Variants in ZNF462 observed in about 807,000 individuals in gnomAD.
ZNF462 encodes the protein zinc finger protein 462.
Under a neutral mutation model 201.9 loss-of-function variants are expected in ZNF462, and 10 were observed. That is an observed-to-expected ratio of 0.05 (90% CI 0.03 to 0.08). The LOEUF (loss-of-function observed/expected upper bound fraction) is 0.08, where lower values mean the gene tolerates loss of function less well. Among genes scored for constraint, ZNF462 ranks in the 10% least tolerant of loss-of-function variants. ZNF462 has a pLI of 1.00. For missense variants in ZNF462, 2,523 were observed against 3,168.3 expected, an observed-to-expected ratio of 0.80 and a Z score of 4.89; for synonymous variants, 1,227 against 1,193.3, an observed-to-expected ratio of 1.03 and a Z score of -0.58.
In ZNF462 at chr9:106,974,029, G is replaced by T. The variant is rs1826800461; in HGVS notation, c.6696-108G>T. 1.4e-6 allele frequency: 2 copies of T among 1,432,072 alleles called. No individual in the cohort carries two copies. Among genetic ancestry groups the T allele is most frequent in the Non-Finnish European group, 9.5e-7 (1 of 1,049,188 alleles). The allele number at this position is 1,432,072 out of a possible 1,614,324, so 88.7% of individuals were successfully genotyped here. On this transcript the variant is annotated intron_variant, in intron 8 of 12. Transcript: ENST00000277225. This position sits in a 1 kb window ranked among gnomAD's most constrained non-coding sequence, Gnocchi z 4.0. ...AACAGATTTTTTTTTAGCCCCACAAGCAGGAGAGCCGCACTTGGACATATA... is the reference window on the plus strand; with the variant it reads ...AACAGATTTTTTTTTAGCCCCACAATCAGGAGAGCCGCACTTGGACATATA...
At chr9:106,900,278 G>A (rs558125793) in intron 1 of ZNF462, among the ~76,000 whole-genome samples, 7 of 142,850 alleles carry the variant, frequency 4.9e-5, no homozygotes, top group South Asian at 2.4e-4. Context: ...TAATCCACTC[G>A]TTGATTGATG....
chr9:107,010,791 C>G lies in ZNF462; in HGVS notation c.7314-32C>G. On this transcript the variant is annotated intron_variant, in intron 12 of 12. Coordinates refer to ENST00000277225, the MANE Select transcript of ZNF462 (RefSeq NM_021224.6). This position sits in a 1 kb window ranked among gnomAD's most constrained non-coding sequence, Gnocchi z 4.6. Reference sequence around the variant, plus strand: ...TAAAAAGAGAAATATATATACTATACTCATCTGTCTCTTCGATAAATGTTT... The same window carrying G: ...TAAAAAGAGAAATATATATACTATAGTCATCTGTCTCTTCGATAAATGTTT... 1.3e-6 allele frequency: 2 copies of G among 1,572,746 alleles called. No individual in the cohort carries two copies. Among genetic ancestry groups the G allele is most frequent in the East Asian group, 2.3e-5 (1 of 42,718 alleles).
intron 7 of ZNF462, among the ~76,000 whole-genome samples, chr9:106,945,936 G>C (rs1200934157): frequency 6.6e-6 from 1 of 152,162 alleles, no homozygotes; most frequent in Admixed American, 6.6e-5. Flanking sequence ...CGTGATACAC[G>C]CTTCCCAAGA....
At chr9:106,942,491 C>T (rs891402069) in intron 7 of ZNF462, among the ~76,000 whole-genome samples, 2 of 152,110 alleles carry the variant, frequency 1.3e-5, no homozygotes, top group African/African-American at 2.4e-5. Flanking sequence ...AGAAAAGCAA[C>T]GGCTCTATGG....
intron 1 of ZNF462, among the ~76,000 whole-genome samples, chr9:106,875,329 A>C (rs1827783144): frequency 1.3e-5 from 2 of 152,228 alleles, no homozygotes; most frequent in African/African-American, 4.8e-5. Flanking sequence ...AAGCTTTCAT[A>C]AATCAGCAAT....
Position 107,008,854 on chromosome 9 carries a change from TGAG to T in ZNF462, c.7190-689_7190-687del, listed in dbSNP as rs1366561623. 6.6e-6 allele frequency among the ~76,000 whole-genome samples: 1 copy of T among 152,168 alleles called. No individual in the cohort carries two copies. Among genetic ancestry groups the T allele is most frequent in the Non-Finnish European group, 1.5e-5 (1 of 68,030 alleles). On this transcript the variant is annotated intron_variant, in intron 11 of 12. Coordinates refer to ENST00000277225, the MANE Select transcript of ZNF462 (RefSeq NM_021224.6). The surrounding 1 kb of genome is among the most constrained non-coding windows in gnomAD (Gnocchi z 4.8). ...CCCCGTATTCATGAATACCACCAATTGAGGGGTAGGTGCCAGGCAGCTGGCCAG... is the reference window on the plus strand; with the variant it reads ...CCCCGTATTCATGAATACCACCAATTGGGTAGGTGCCAGGCAGCTGGCCAG...
At chr9:106,878,296 C>T (rs1827926635) in intron 1 of ZNF462, among the ~76,000 whole-genome samples, 1 of 152,204 alleles carries the variant, frequency 6.6e-6, no homozygotes, top group Non-Finnish European at 1.5e-5. Flanking sequence ...CAATAAATGG[C>T]CATCTCTACC....
At chr9:106,882,899 TG>T (rs2130954400) in intron 1 of ZNF462, among the ~76,000 whole-genome samples, 1 of 152,246 alleles carries the variant, frequency 6.6e-6, no homozygotes, top group African/African-American at 2.4e-5. Flanking sequence ...AAAAACGTTA[TG>T]GAAAAAAATG....
At chr9:107,004,747 C>G (rs1166470639) in intron 11 of ZNF462, among the ~76,000 whole-genome samples, 1 of 152,120 alleles carries the variant, frequency 6.6e-6, no homozygotes, top group Admixed American at 6.5e-5. Flanking sequence ...AATCTACTCT[C>G]TTAGCAATTG....
rs923238493 is a variant in ZNF462, at chr9:106,954,978, A to G, written c.6427+15871A>G. ...AATTTGTTGTGTCCTGTAAATAGTC[A>G]TGGTAGTAAAGTAGTAAATCAAGAT... is the stretch of plus-strand genomic sequence containing the variant. On this transcript the variant is annotated intron_variant, in intron 7 of 12. Transcript: ENST00000277225. This position sits in a 1 kb window ranked among gnomAD's most constrained non-coding sequence, Gnocchi z 4.0. Among the ~76,000 whole-genome samples, 6 of 152,130 alleles carry G rather than the reference A, an allele frequency of 3.9e-5. No individual in the cohort carries two copies. The highest frequency in any genetic ancestry group is 5.9e-5 in the Non-Finnish European group (4 of 68,026).
Position 107,009,988 on chromosome 9 carries a change from C to A in ZNF462, c.7313+320C>A, listed in dbSNP as rs922105636. On this transcript the variant is annotated intron_variant, in intron 12 of 12. Coordinates refer to ENST00000277225, the MANE Select transcript of ZNF462 (RefSeq NM_021224.6). This position sits in a 1 kb window ranked among gnomAD's most constrained non-coding sequence, Gnocchi z 6.1. ...ATTAGCGTGACATTCTATAATAGAA[C>A]GTGAATCGAGGTCAAAAGATCTGGC... Among the ~76,000 whole-genome samples, 1 of 152,062 alleles carries A rather than the reference C, an allele frequency of 6.6e-6. No individual in the cohort carries two copies. Among genetic ancestry groups the A allele is most frequent in the Non-Finnish European group, 1.5e-5 (1 of 68,014 alleles).
rs777016747 is a variant in ZNF462, at chr9:106,974,177, G to A, written c.6736G>A (p.Val2246Ile). The A allele has an allele frequency of 6.2e-7, 1 of 1,614,170 alleles. No individual in the cohort carries two copies. The highest frequency in any genetic ancestry group is 1.1e-5 in the South Asian group (1 of 91,084). The change falls in exon 9 of 13, where the codon GTT becomes ATT. Residue 2246 changes from valine to isoleucine, a missense_variant. Physicochemically the swap from Val to Ile is conservative, Grantham distance 29. This residue lies in a region of ZNF462 where 228 missense variants were observed against 361.2 expected (regional missense o/e 0.63). Transcript: ENST00000277225. This position sits in a 1 kb window ranked among gnomAD's most constrained non-coding sequence, Gnocchi z 4.0. ...GCACGTGGAAGCTGGGCACTCAGCA[G>A]TTCCCGAGGAGGGCCCCAAAGATCT... Reference protein sequence around the residue: ...TMHVEAGHSAVPEEGPKDLRC... With the variant: ...TMHVEAGHSAIPEEGPKDLRC...
intron 8 of ZNF462, among the ~76,000 whole-genome samples, chr9:106,973,099 T>C (rs1449618613): frequency 2.6e-5 from 4 of 152,188 alleles, no homozygotes; most frequent in African/African-American, 9.6e-5. Context: ...CAGTGTATCT[T>C]GAAGTACTTA....
At chr9:106,915,154 G>A (rs1212939913) in intron 1 of ZNF462, among the ~76,000 whole-genome samples, 2 of 149,546 alleles carry the variant, frequency 1.3e-5, no homozygotes, top group Non-Finnish European at 3.0e-5. Flanking sequence ...TTTGGTTTTA[G>A]TGATCTGAGA....
At position 106,902,357 on chromosome 9, in the gene ZNF462, T is replaced by G. The variant is rs1014527394; in HGVS notation, c.-30-20997T>G. On this transcript the variant is annotated intron_variant, in intron 1 of 12. Transcript: ENST00000277225. The surrounding 1 kb of genome is among the most constrained non-coding windows in gnomAD (Gnocchi z 4.2). ...TTAAGGATTTTAGCATCTATATTCA[T>G]CAAGGATATTGGTCTGTAGTTTTCT... is the stretch of plus-strand genomic sequence containing the variant. Among the ~76,000 whole-genome samples, 29 of 152,234 alleles carry G rather than the reference T, an allele frequency of 1.9e-4. No homozygotes were observed. The highest frequency in any genetic ancestry group is 6.5e-4 in the African/African-American group (27 of 41,468).
chr9:106,864,603 C>G (rs1318968035), intron 1 of ZNF462, among the ~76,000 whole-genome samples: 1 of 152,062 alleles, frequency 6.6e-6, no homozygotes, highest in Non-Finnish European at 1.5e-5. Context: ...AAGGAACCCT[C>G]GTTTTCTTTT....
In ZNF462 at chr9:106,932,759, G is replaced by C; in HGVS notation, c.6116+210G>C. 1.6e-6 allele frequency: 1 copy of C among 638,198 alleles called. No individual in the cohort carries two copies. The allele number at this position is 638,198 out of a possible 1,614,324, so 39.5% of individuals were successfully genotyped here. Reference sequence around the variant, plus strand: ...ATGGCGTTAGATTTGGCAAATGCAGGCATTTTAAAAATGAGAATTGGAGGA... The same window carrying C: ...ATGGCGTTAGATTTGGCAAATGCAGCCATTTTAAAAATGAGAATTGGAGGA... On this transcript the variant is annotated intron_variant, in intron 5 of 12. Coordinates refer to ENST00000277225, the MANE Select transcript of ZNF462 (RefSeq NM_021224.6). The surrounding 1 kb of genome is among the most constrained non-coding windows in gnomAD (Gnocchi z 6.8).
chr9:106,875,949 C>A (rs562458440), intron 1 of ZNF462, among the ~76,000 whole-genome samples: 1 of 152,156 alleles, frequency 6.6e-6, no homozygotes, highest in Non-Finnish European at 1.5e-5. Flanking sequence ...TATCTCTATA[C>A]ATAGAGAAAG....
In ZNF462 at chr9:106,883,673, G is replaced by C. The variant is rs1350377339; in HGVS notation, c.-31+20318G>C. On this transcript the variant is annotated intron_variant, in intron 1 of 12. Transcript: ENST00000277225. The surrounding 1 kb of genome is among the most constrained non-coding windows in gnomAD (Gnocchi z 4.9). The stretch of plus-strand genomic sequence containing the variant: ...GTTTTTGTGTTATTATTTTTGTATT[G>C]TAAACAGGGGATTAGTAAATCTTTT... 6.6e-6 allele frequency among the ~76,000 whole-genome samples: 1 copy of C among 152,202 alleles called. No homozygotes were observed. The highest frequency in any genetic ancestry group is 1.5e-5 in the Non-Finnish European group (1 of 68,034).
Sources: gnomAD v4.1 joint callset for allele counts (sites outside exome capture counted in the v4.1 genomes callset) on GRCh38, gnomAD v4.1.1 for gene constraint, gnomAD v4.1.1 regional missense constraint, Gnocchi (gnomAD v3.1) non-coding constraint, MANE v1.5 for transcripts, NCBI Gene and HGNC (gene_info 2026-07-23, HGNC 2026-07-21) for gene names.